Variants in CFAP61 observed in about 807,000 individuals in gnomAD.
The protein encoded by CFAP61 is cilia and flagella associated protein 61.
A neutral mutation model predicts 135.6 loss-of-function variants in CFAP61; 107 were observed. That is an observed-to-expected ratio of 0.79 (90% CI 0.67 to 0.93). The LOEUF is 0.93. Ranked by LOEUF, CFAP61 falls within the 40% of genes least tolerant of loss-of-function variation. The pLI, the probability that CFAP61 is intolerant of heterozygous loss-of-function variation, is 0.00. For missense variants in CFAP61, 1,507 were observed against 1,556.2 expected, an observed-to-expected ratio of 0.97 and a Z score of 0.53; for synonymous variants, 575 against 578.5, an observed-to-expected ratio of 0.99 and a Z score of 0.09.
chr20:20,164,734 C>T (rs1355897370), intron 11 of CFAP61, among the ~76,000 whole-genome samples: 1 of 152,134 alleles, frequency 6.6e-6, no homozygotes, highest in East Asian at 1.9e-4. Flanking sequence ...TCTACCTCTT[C>T]ACCCTGTGTG....
intron 22 of CFAP61, 58 bp downstream of exon 22, chr20:20,277,516 G>A (rs1272397843): frequency 8.6e-6 from 13 of 1,504,882 alleles, no homozygotes; most frequent in African/African-American, 2.8e-5. Context: ...ATCTCCAAGG[G>A]ATTTGGGGGT....
chr20:20,237,333 G>A (rs1393799636), intron 18 of CFAP61, among the ~76,000 whole-genome samples: 2 of 152,084 alleles, frequency 1.3e-5, no homozygotes, highest in East Asian at 1.9e-4. Flanking sequence ...TCCTTGCCCC[G>A]TTTCTCCAGG....
chr20:20,278,528 G>A (rs1241166847), intron 22 of CFAP61, among the ~76,000 whole-genome samples: 3 of 152,192 alleles, frequency 2.0e-5, no homozygotes, highest in Admixed American at 1.3e-4. Flanking sequence ...TGGTTGTGTA[G>A]GTCAAGGGTG....
At chr20:20,139,523 T>C (rs1157187129) in intron 8 of CFAP61, among the ~76,000 whole-genome samples, 1 of 152,242 alleles carries the variant, frequency 6.6e-6, no homozygotes, top group Non-Finnish European at 1.5e-5. Flanking sequence ...TAGTCATGTG[T>C]TACACAATAC....
At chr20:20,136,163 C>G (rs186976535) in intron 8 of CFAP61, among the ~76,000 whole-genome samples, 2 of 151,916 alleles carry the variant, frequency 1.3e-5, no homozygotes, top group Non-Finnish European at 2.9e-5. Context: ...TTTAGGGTCC[C>G]TTTTTTTACC....
chr20:20,098,676 T>C lies in CFAP61; in HGVS notation c.721T>C (p.Phe241Leu). Residue 241 changes from phenylalanine to leucine, a missense_variant, in exon 8 of 27, where the codon TTC (phenylalanine) becomes CTC (leucine). Phe to Leu is a conservative substitution (Grantham distance 22, BLOSUM62 0). Coordinates refer to ENST00000245957, the MANE Select transcript of CFAP61 (RefSeq NM_015585.4). Reference protein sequence around the residue: ...VCEVEGTAVGFMSVCSRVNMQ... With the variant: ...VCEVEGTAVGLMSVCSRVNMQ... ...TCAGGTGGAAGGCACAGCTGTTGGGTTCATGAGTGTGTGCTCAAGAGTGAA... is the reference window on the plus strand; with the variant it reads ...TCAGGTGGAAGGCACAGCTGTTGGGCTCATGAGTGTGTGCTCAAGAGTGAA... 1 of 1,611,672 alleles carries C rather than the reference T, an allele frequency of 6.2e-7. No individual in the cohort carries two copies. Among genetic ancestry groups the C allele is most frequent in the Non-Finnish European group, 8.5e-7 (1 of 1,179,344 alleles).
intron 6 of CFAP61, among the ~76,000 whole-genome samples, chr20:20,078,384 G>A (rs1706977642): frequency 6.6e-6 from 1 of 152,156 alleles, no homozygotes; most frequent in African/African-American, 2.4e-5. Flanking sequence ...ATGTTAGAGA[G>A]TAGCGCTTGG....
chr20:20,188,552 T>C (rs1038413995), intron 14 of CFAP61, among the ~76,000 whole-genome samples: 3 of 152,122 alleles, frequency 2.0e-5, no homozygotes, highest in Admixed American at 1.3e-4. Flanking sequence ...CTGGGAAAGA[T>C]CCTGCATGAT....
intron 25 of CFAP61, among the ~76,000 whole-genome samples, chr20:20,336,557 T>G (rs750057164): frequency 1.3e-5 from 2 of 151,926 alleles, no homozygotes; most frequent in Non-Finnish European, 1.5e-5. Flanking sequence ...CCCAGGAGTT[T>G]GAGGCTGCAG....
rs573374871 is a variant in CFAP61, at chr20:20,333,225, G to A, written c.3423-8606G>A. On this transcript the variant is annotated intron_variant, in intron 25 of 26. Coordinates refer to ENST00000245957, the MANE Select transcript of CFAP61 (RefSeq NM_015585.4). ...CAATAGCAGTAATAATCATTGATAC[G>A]GAGCCTCTCCCCTGTGCCAGGCATA... Among the ~76,000 whole-genome samples the A allele has an allele frequency of 7.9e-5, 12 of 152,224 alleles. No homozygotes were observed. In the East Asian group the frequency reaches 1.3e-3, roughly 17 times the overall value.
chr20:20,104,370 G>T (rs2048233590), intron 8 of CFAP61, among the ~76,000 whole-genome samples: 1 of 151,688 alleles, frequency 6.6e-6, no homozygotes, highest in Non-Finnish European at 1.5e-5. Context: ...CATCTCTTGG[G>T]TTAGGAAACA....
intron 6 of CFAP61, among the ~76,000 whole-genome samples, chr20:20,076,366 G>A (rs1381143835): frequency 6.6e-6 from 1 of 152,206 alleles, no homozygotes; most frequent in African/African-American, 2.4e-5. Flanking sequence ...GTGGTTGACA[G>A]CCCCAGCTGG....
chr20:20,052,935 C>A (rs2043874147), intron 1 of CFAP61, among the ~76,000 whole-genome samples: 1 of 151,744 alleles, frequency 6.6e-6, no homozygotes, highest in Admixed American at 6.6e-5. Context: ...CTAAGGTGCC[C>A]AAATAATTAA....
chr20:20,238,545 T>C (rs1003084071), intron 18 of CFAP61, among the ~76,000 whole-genome samples: 1 of 152,236 alleles, frequency 6.6e-6, no homozygotes, highest in Non-Finnish European at 1.5e-5. Flanking sequence ...TTGGTTGCGT[T>C]TGCTATGCCT....
intron 13 of CFAP61, among the ~76,000 whole-genome samples, chr20:20,171,136 G>A (rs1387690671): frequency 2.0e-5 from 3 of 152,144 alleles, no homozygotes; most frequent in African/African-American, 7.2e-5. Context: ...ATTGTTTCTC[G>A]ACATGGTGTG....
chr20:20,338,762 C>G (rs558831840), intron 25 of CFAP61, among the ~76,000 whole-genome samples: 1 of 152,366 alleles, frequency 6.6e-6, no homozygotes, highest in East Asian at 1.9e-4. Flanking sequence ...GCCAAGCCGG[C>G]CTTCACATCC....
intron 1 of CFAP61, 76 bp downstream of exon 1, chr20:20,052,667 C>G: frequency 6.2e-7 from 1 of 1,613,346 alleles, no homozygotes; most frequent in East Asian, 2.2e-5. Context: ...CCCAGGTCAG[C>G]CTCCGGAACT....
At chr20:20,161,591 T>A (rs559874538) in intron 10 of CFAP61, among the ~76,000 whole-genome samples, 1 of 152,264 alleles carries the variant, frequency 6.6e-6, no homozygotes, top group East Asian at 1.9e-4. Flanking sequence ...GGCTGAAGAC[T>A]GGAGGTTTGC....
At chr20:20,203,868 G>A (rs1038634703) in intron 17 of CFAP61, among the ~76,000 whole-genome samples, 2 of 152,102 alleles carry the variant, frequency 1.3e-5, no homozygotes, top group Admixed American at 6.6e-5. Context: ...TGGCCTCCTA[G>A]GTGACACGAG....
Sources: allele counts gnomAD v4.1 joint callset (sites outside exome capture counted in the v4.1 genomes callset), GRCh38; gene constraint gnomAD v4.1.1; transcripts MANE v1.5; gene names NCBI Gene and HGNC (gene_info 2026-07-23, HGNC 2026-07-21).